The following DOK3 variants were observed in gnomAD, a reference collection of about 807,000 sequenced individuals.
The protein encoded by DOK3 is docking protein 3.
DOK3 carries 23 observed loss-of-function variants against 26.2 expected under a neutral mutation model. The observed-to-expected ratio is 0.88, with a 90% CI of 0.63 to 1.24. DOK3 has a LOEUF of 1.24. DOK3 is among the 50% of genes most tolerant of loss of function. The pLI is 0.00. For synonymous variants in DOK3, 268 were observed against 268.2 expected (o/e 1.00, Z 0.01); for missense variants, 619 against 610.6 (o/e 1.01, Z -0.15).
Position 177,502,873 on chromosome 5 carries a change from G to A in DOK3, c.*1110C>T. On this transcript the variant is annotated 3_prime_UTR_variant, in exon 6 of 6. Coordinates refer to ENST00000510898, the MANE Select transcript of DOK3 (RefSeq NM_001308236.3). ...AAGGGACTATGGAGAACAAAGAGGGGATGGTGGGCAGAGGCCTCGAAGAGC... is the reference window on the plus strand; with the variant it reads ...AAGGGACTATGGAGAACAAAGAGGGAATGGTGGGCAGAGGCCTCGAAGAGC... 3 of 603,932 alleles carry A rather than the reference G, an allele frequency of 5.0e-6. No individual in the cohort carries two copies. Among genetic ancestry groups the A allele is most frequent in the Non-Finnish European group, 8.7e-6 (3 of 344,212 alleles). The allele number at this position is 603,932 out of a possible 1,614,324, so 37.4% of individuals were successfully genotyped here. A position where few individuals can be genotyped will look rare whatever the true frequency, so the allele number is the denominator to read the frequency against.
chr5:177,504,680 G>C lies in DOK3; in HGVS notation c.646-20C>G, dbSNP rs758154456. The C allele has an allele frequency of 1.2e-6, 2 of 1,613,602 alleles. No individual in the cohort carries two copies. The highest frequency in any genetic ancestry group is 2.2e-5 in the South Asian group (2 of 91,086). ...CACGCCCTGGGCACAGGGCACACGGGTGGGGATTAGCAGGAGGGTCCAGGG... is the reference window on the plus strand; with the variant it reads ...CACGCCCTGGGCACAGGGCACACGGCTGGGGATTAGCAGGAGGGTCCAGGG... On this transcript the variant is annotated intron_variant, in intron 5 of 5. Transcript: ENST00000510898.
At position 177,502,729 on chromosome 5, in the gene DOK3, C is replaced by G; in HGVS notation, c.*1254G>C. On this transcript the variant is annotated 3_prime_UTR_variant, in exon 6 of 6. Coordinates refer to ENST00000510898, the MANE Select transcript of DOK3 (RefSeq NM_001308236.3). Reference sequence around the variant, plus strand: ...CACTGTTAAGAAGGATGCAGGCAGTCTGCTTAAATGGATTTCTCTGGCTGT... The same window carrying G: ...CACTGTTAAGAAGGATGCAGGCAGTGTGCTTAAATGGATTTCTCTGGCTGT... 2.9e-6 allele frequency: 1 copy of G among 342,510 alleles called. No individual in the cohort carries two copies. Among genetic ancestry groups the G allele is most frequent in the Non-Finnish European group, 5.4e-6 (1 of 186,014 alleles). 21.2% of individuals were successfully genotyped at this position (342,510 alleles called of 1,614,324 possible). A position where few individuals can be genotyped will look rare whatever the true frequency, so the allele number is the denominator to read the frequency against.
At position 177,509,485 on chromosome 5, in the gene DOK3, T is replaced by C; in HGVS notation, c.56A>G (p.Lys19Arg). 1 of 1,609,198 alleles carries C rather than the reference T, an allele frequency of 6.2e-7. No individual in the cohort carries two copies. Among genetic ancestry groups the C allele is most frequent in the Non-Finnish European group, 8.5e-7 (1 of 1,177,622 alleles). The change falls in exon 2 of 6, where the codon AAG becomes AGG. Residue 19 changes from lysine (K) to arginine (R), a missense_variant. Lys to Arg is a conservative substitution (Grantham distance 26). Transcript: ENST00000510898. ...KDGILYQQHV[K>R]FGKKCWRKVW... The stretch of plus-strand genomic sequence containing the variant: ...GCCAGGGGTCCCCACCTTGCCAAAC[T>C]TGACATGCTGCTGGTAGAGGATGCC...
chr5:177,507,890 C>A (rs187460057), intron 3 of DOK3, among the ~76,000 whole-genome samples: 1 of 152,338 alleles, frequency 6.6e-6, no homozygotes, highest in African/African-American at 2.4e-5. Context: ...TTAAACACCC[C>A]ACACTGTCCG....
In DOK3 at chr5:177,504,973, G is replaced by T. The variant is rs376267773; in HGVS notation, c.472+38C>A. On this transcript the variant is annotated intron_variant, in intron 4 of 5. Coordinates refer to ENST00000510898, the MANE Select transcript of DOK3 (RefSeq NM_001308236.3). ...CCCAAAAAGACCCAGCCCTGGGTGT[G>T]GGGGGCTGAGGCTGCCCTTGCACGT... 6.3e-6 allele frequency: 10 copies of T among 1,586,916 alleles called. No individual in the cohort carries two copies. The African/African-American group carries it at 1.2e-4, about 19-fold the overall frequency.
At position 177,503,582 on chromosome 5, in the gene DOK3, G is replaced by T. The variant is rs1190554489; in HGVS notation, c.*401C>A. 6 of 1,300,650 alleles carry T rather than the reference G, an allele frequency of 4.6e-6. No individual in the cohort carries two copies. Among genetic ancestry groups the T allele is most frequent in the Non-Finnish European group, 6.1e-6 (6 of 980,908 alleles). 80.6% of individuals were successfully genotyped at this position (1,300,650 alleles called of 1,614,324 possible). On this transcript the variant is annotated 3_prime_UTR_variant, in exon 6 of 6. Transcript: ENST00000510898. ...CACAGCTCCCTCCGCCTGCCTCTTC[G>T]TGTCACTCGGCCGTGCAGAGCAACA...
Position 177,508,434 on chromosome 5 carries a change from T to C in DOK3, c.175A>G (p.Arg59Gly), listed in dbSNP as rs1399362148. 10 of 1,597,808 alleles carry C rather than the reference T, an allele frequency of 6.3e-6. No homozygotes were observed. The highest frequency in any genetic ancestry group is 1.7e-5 in the Admixed American group (1 of 58,390). ...RDGGLGAAGDRSAGPGRRGER... is the reference protein window; with the variant it reads ...RDGGLGAAGDGSAGPGRRGER... ...CCTCGCCGGCCAGGCCCTGCCGACC[T>C]GTCACCCGCTGCTCCCAGGCCACCA... The change falls in exon 3 of 6, where the codon AGG becomes GGG. Residue 59 changes from arginine (R) to glycine (G), a missense_variant. Transcript: ENST00000510898.
Position 177,503,021 on chromosome 5 carries a change from G to T in DOK3, c.*962C>A, listed in dbSNP as rs1759504594. 3.3e-6 allele frequency: 5 copies of T among 1,497,916 alleles called. No homozygotes were observed. The highest frequency in any genetic ancestry group is 4.5e-6 in the Non-Finnish European group (5 of 1,114,976). 92.8% of individuals were successfully genotyped at this position (1,497,916 alleles called of 1,614,324 possible). On this transcript the variant is annotated 3_prime_UTR_variant, in exon 6 of 6. Transcript: ENST00000510898. ...GCTTGGACAGGAGAGAGCAAAAATT[G>T]TGTGTCCGTCATGAAAATGAGGTTC... is the stretch of plus-strand genomic sequence containing the variant.
Position 177,504,659 on chromosome 5 carries a change from C to T in DOK3, c.647G>A (p.Gly216Asp), listed in dbSNP as rs564715805. The T allele has an allele frequency of 1.1e-5, 17 of 1,613,240 alleles. No individual in the cohort carries two copies. In the African/African-American group the frequency reaches 2.0e-4, roughly 19 times the overall value. Residue 216 changes from glycine to aspartate, a missense_variant and splice_region_variant, in exon 6 of 6, where the codon GGC becomes GAC. Transcript: ENST00000510898. The part of the protein sequence containing the change: ...HFLRKFGSDK[G>D]VFSFEAGRRC... Reference sequence around the variant, plus strand: ...ACGGCCGGCCTCAAAGGAGAACACGCCCTGGGCACAGGGCACACGGGTGGG... The same window carrying T: ...ACGGCCGGCCTCAAAGGAGAACACGTCCTGGGCACAGGGCACACGGGTGGG...
chr5:177,509,765 G>T lies in DOK3; in HGVS notation c.-125C>A. On this transcript the variant is annotated 5_prime_UTR_variant, in exon 1 of 6. Transcript: ENST00000510898. Reference sequence around the variant, plus strand: ...CAAGGTGCCCACACCTACCTGGAGGGAGCCCCCGGCCACCTGAAGGCAGCC... The same window carrying T: ...CAAGGTGCCCACACCTACCTGGAGGTAGCCCCCGGCCACCTGAAGGCAGCC... 6.2e-7 allele frequency: 1 copy of T among 1,612,436 alleles called. No individual in the cohort carries two copies. Among genetic ancestry groups the T allele is most frequent in the Non-Finnish European group, 8.5e-7 (1 of 1,179,952 alleles).
chr5:177,505,668 G>C (rs2062722062), intron 3 of DOK3, among the ~76,000 whole-genome samples: 1 of 152,122 alleles, frequency 6.6e-6, no homozygotes, highest in Admixed American at 6.5e-5. Flanking sequence ...TTGACATGGA[G>C]TCTTGCTCTG....
chr5:177,509,700 TG>T (rs1475170785), intron 1 of DOK3, 43 bp from the exon 2 acceptor site: 4 of 1,605,756 alleles, frequency 2.5e-6, no homozygotes, highest in Non-Finnish European at 2.6e-6. Flanking sequence ...GCTCAGGGGC[TG>T]GGGGCAGCAT....
rs1760700079 is a variant in DOK3 at position 177,509,555 on chromosome 5, G to A, written c.-15C>T. On this transcript the variant is annotated 5_prime_UTR_variant, in exon 2 of 6. Coordinates refer to ENST00000510898, the MANE Select transcript of DOK3 (RefSeq NM_001308236.3). ...AGAGGGTCCATGGTCACGGCCAGGA[G>A]CAGGGCCGCCGCTTCAAGACCTGGG... 1 of 1,610,158 alleles carries A rather than the reference G, an allele frequency of 6.2e-7. No individual in the cohort carries two copies. Among genetic ancestry groups the A allele is most frequent in the Non-Finnish European group, 8.5e-7 (1 of 1,178,058 alleles).
In DOK3 at chr5:177,509,672, GA is replaced by G. The variant is rs773072738; in HGVS notation, c.-117-16del. ...TCTAGAGACAGCTGCAGGCCGGGGGGAGGGGAGCCTGTCTTCAGCTCAGGGG... is the reference window on the plus strand; with the variant it reads ...TCTAGAGACAGCTGCAGGCCGGGGGGGGGGAGCCTGTCTTCAGCTCAGGGG... On this transcript the variant is annotated splice_polypyrimidine_tract_variant and intron_variant, in intron 1 of 5. Transcript: ENST00000510898. 2 of 1,591,982 alleles carry G rather than the reference GA, an allele frequency of 1.3e-6. No individual in the cohort carries two copies. Among genetic ancestry groups the G allele is most frequent in the East Asian group, 4.5e-5 (2 of 44,512 alleles).
chr5:177,504,187 A>G lies in DOK3; in HGVS notation c.1119T>C (p.Ser373=). The part of the protein sequence containing the change: ...EGPGSRSPTT[S]PIYHNGQDLS... ...AGTCCTGGCCGTTGTGGTAGATGGG[A>G]CTGGTTGTGGGGCTGCGGCTGCCGG... The change falls in exon 6 of 6, where the codon AGT becomes AGC. Residue 373 remains serine (S), a synonymous_variant. Transcript: ENST00000510898. 6.2e-7 allele frequency: 1 copy of G among 1,613,556 alleles called. No homozygotes were observed. The highest frequency in any genetic ancestry group is 8.5e-7 in the Non-Finnish European group (1 of 1,179,798).
chr5:177,508,440 C>A lies in DOK3; in HGVS notation c.169G>T (p.Gly57Cys). The A allele has an allele frequency of 6.3e-7, 1 of 1,596,752 alleles. No individual in the cohort carries two copies. Among genetic ancestry groups the A allele is most frequent in the Non-Finnish European group, 8.5e-7 (1 of 1,173,846 alleles). The change falls in exon 3 of 6, where the codon GGT (glycine) becomes TGT (cysteine). Residue 57 changes from glycine (G) to cysteine (C), a missense_variant. Gly to Cys is a radical substitution (Grantham distance 159). Coordinates refer to ENST00000510898, the MANE Select transcript of DOK3 (RefSeq NM_001308236.3). Reference protein sequence around the residue: ...EVRDGGLGAAGDRSAGPGRRG... With the variant: ...EVRDGGLGAACDRSAGPGRRG... ...CGGCCAGGCCCTGCCGACCTGTCACCCGCTGCTCCCAGGCCACCATCCCGG... is the reference window on the plus strand; with the variant it reads ...CGGCCAGGCCCTGCCGACCTGTCACACGCTGCTCCCAGGCCACCATCCCGG...
Position 177,502,948 on chromosome 5 carries a change from C to T in DOK3, c.*1035G>A. 3 of 1,148,358 alleles carry T rather than the reference C, an allele frequency of 2.6e-6. No homozygotes were observed. Among genetic ancestry groups the T allele is most frequent in the East Asian group, 2.6e-5 (1 of 38,574 alleles). 71.1% of individuals were successfully genotyped at this position (1,148,358 alleles called of 1,614,324 possible). ...CATGCCTAGGCAGGGGCGGTACTGG[C>T]CGCACTAAAGGAAGTGAGCTGGAAG... On this transcript the variant is annotated 3_prime_UTR_variant, in exon 6 of 6. Transcript: ENST00000510898.
Position 177,503,581 on chromosome 5 carries a change from C to T in DOK3, c.*402G>A, listed in dbSNP as rs1561714544. ...TCACAGCTCCCTCCGCCTGCCTCTTCGTGTCACTCGGCCGTGCAGAGCAAC... is the reference window on the plus strand; with the variant it reads ...TCACAGCTCCCTCCGCCTGCCTCTTTGTGTCACTCGGCCGTGCAGAGCAAC... On this transcript the variant is annotated 3_prime_UTR_variant, in exon 6 of 6. Transcript: ENST00000510898. 50 of 1,305,844 alleles carry T rather than the reference C, an allele frequency of 3.8e-5. No homozygotes were observed. Among genetic ancestry groups the T allele is most frequent in the South Asian group, 1.8e-4 (11 of 62,792 alleles). The allele number at this position is 1,305,844 out of a possible 1,614,324, so 80.9% of individuals were successfully genotyped here. A position where few individuals can be genotyped will look rare whatever the true frequency, so the allele number is the denominator to read the frequency against.
At chr5:177,508,582 C>T (rs749784708) in intron 2 of DOK3, 40 bp from the exon 3 acceptor site, 12 of 1,471,074 alleles carry the variant, frequency 8.2e-6, no homozygotes, top group Non-Finnish European at 1.1e-5. Context: ...CCTTGGGTGG[C>T]AGATTGTCCG....
Sources: allele counts gnomAD v4.1 joint callset (sites outside exome capture counted in the v4.1 genomes callset), GRCh38; gene constraint gnomAD v4.1.1; transcripts MANE v1.5; gene names NCBI Gene and HGNC (gene_info 2026-07-23, HGNC 2026-07-21).